ASIC2: variants seen among roughly 807,000 people sequenced by gnomAD.
ASIC2 encodes the protein acid-sensing ion channel 2.
A neutral mutation model predicts 57.3 loss-of-function variants in ASIC2; 25 were observed. The observed-to-expected ratio is 0.44, with a 90% CI of 0.32 to 0.61. The LOEUF (loss-of-function observed/expected upper bound fraction) is 0.61. Ranked by LOEUF, ASIC2 falls within the 20% of genes least tolerant of loss-of-function variation. The pLI is 0.06. For synonymous variants in ASIC2, 319 were observed against 307.5 expected (o/e 1.04, Z -0.39); for missense variants, 641 against 738.1 (o/e 0.87, Z 1.52).
chr17:33,641,126 C>T (rs943013842), intron 1 of ASIC2, among the ~76,000 whole-genome samples: 3 of 152,168 alleles, frequency 2.0e-5, no homozygotes, highest in Non-Finnish European at 2.9e-5. Flanking sequence ...CTCTGTTCCT[C>T]TCTCCATGGA....
intron 1 of ASIC2, among the ~76,000 whole-genome samples, chr17:33,923,532 ACAG>A (rs1186426759): frequency 6.6e-6 from 1 of 152,238 alleles, no homozygotes. Context: ...CTCAGAATGC[ACAG>A]CAGTTCTGCA....
At chr17:34,072,738 C>T (rs937049667) in intron 1 of ASIC2, among the ~76,000 whole-genome samples, 3 of 152,256 alleles carry the variant, frequency 2.0e-5, no homozygotes, top group South Asian at 4.2e-4. Flanking sequence ...ATGTGATGGA[C>T]GATTTCTCTC....
intron 1 of ASIC2, among the ~76,000 whole-genome samples, chr17:33,142,701 C>A (rs982821707): frequency 1.3e-5 from 2 of 152,306 alleles, no homozygotes; most frequent in East Asian, 1.9e-4. Context: ...ATGACCACAC[C>A]CTCTACTCAG....
chr17:33,656,759 AAT>A (rs1168118907), intron 1 of ASIC2, among the ~76,000 whole-genome samples: 3 of 152,148 alleles, frequency 2.0e-5, no homozygotes, highest in African/African-American at 7.2e-5. Context: ...CCTGAGTTAT[AAT>A]CATCTGTTTA....
intron 1 of ASIC2, among the ~76,000 whole-genome samples, chr17:33,521,934 G>A (rs1257431727): frequency 6.6e-6 from 1 of 152,212 alleles, no homozygotes; most frequent in African/African-American, 2.4e-5. Flanking sequence ...GGCGGGCAGG[G>A]AGGCCCTCTG....
At chr17:33,492,067 C>T (rs144651979) in intron 1 of ASIC2, among the ~76,000 whole-genome samples, 2 of 152,174 alleles carry the variant, frequency 1.3e-5, no homozygotes, top group Admixed American at 6.5e-5. Flanking sequence ...AACCACTTTG[C>T]GTTTGCCATT....
intron 1 of ASIC2, among the ~76,000 whole-genome samples, chr17:33,754,300 G>T (rs1910522870): frequency 6.6e-6 from 1 of 152,138 alleles, no homozygotes; most frequent in East Asian, 1.9e-4. Flanking sequence ...TTGGCAGGTG[G>T]CGTTCCTTCT....
intron 1 of ASIC2, among the ~76,000 whole-genome samples, chr17:33,401,495 G>A (rs1033837962): frequency 3.3e-5 from 5 of 152,108 alleles, no homozygotes; most frequent in Admixed American, 6.6e-5. Flanking sequence ...GCCCCTGATG[G>A]TCATGCCTCC....
intron 1 of ASIC2, among the ~76,000 whole-genome samples, chr17:33,609,151 C>T (rs541432000): frequency 7.2e-5 from 11 of 152,318 alleles, no homozygotes; most frequent in Admixed American, 5.2e-4. Context: ...ACCTGAACTA[C>T]TACAACAGAA....
chr17:33,950,087 C>G (rs941051713), intron 1 of ASIC2, among the ~76,000 whole-genome samples: 2 of 152,212 alleles, frequency 1.3e-5, no homozygotes, highest in Middle Eastern at 6.3e-3. Flanking sequence ...GCAGAGGGCT[C>G]TAAGAGGTTG....
intron 1 of ASIC2, among the ~76,000 whole-genome samples, chr17:33,520,742 A>C (rs527239589): frequency 1.1e-4 from 16 of 152,344 alleles, no homozygotes; most frequent in East Asian, 3.9e-4. Context: ...CTTCACAGCA[A>C]ATGTATCCCT....
At chr17:33,570,231 C>T (rs1170270031) in intron 1 of ASIC2, among the ~76,000 whole-genome samples, 1 of 152,194 alleles carries the variant, frequency 6.6e-6, no homozygotes, top group Non-Finnish European at 1.5e-5. Flanking sequence ...CTTTCTCCTC[C>T]AAGAATCCTG....
At position 33,023,423 on chromosome 17, in the gene ASIC2, G is replaced by C. The variant is rs371723360; in HGVS notation, c.1349+438C>G. Among the ~76,000 whole-genome samples the C allele has an allele frequency of 2.0e-5, 3 of 151,604 alleles. No individual in the cohort carries two copies. In the South Asian group the frequency reaches 6.3e-4, roughly 32 times the overall value. ...GAGAATGGTTTGAACCCAGGAGATG[G>C]ACCTTGCAGTGAGCCGAGATCATGC... is the stretch of plus-strand genomic sequence containing the variant. On this transcript the variant is annotated intron_variant, in intron 6 of 9. Transcript: ENST00000225823.
At chr17:33,673,112 A>G (rs1363356984) in intron 1 of ASIC2, among the ~76,000 whole-genome samples, 2 of 152,208 alleles carry the variant, frequency 1.3e-5, no homozygotes, top group African/African-American at 4.8e-5. Flanking sequence ...AGGCGGCAGC[A>G]TTACAAAGCC....
intron 1 of ASIC2, among the ~76,000 whole-genome samples, chr17:33,762,832 G>A (rs1910826559): frequency 6.6e-6 from 1 of 152,230 alleles, no homozygotes; most frequent in South Asian, 2.1e-4. Flanking sequence ...GGTTGCAGAT[G>A]GGCAGAGAAG....
chr17:33,762,302 T>C (rs932112425), intron 1 of ASIC2, among the ~76,000 whole-genome samples: 4 of 152,238 alleles, frequency 2.6e-5, no homozygotes, highest in African/African-American at 9.6e-5. Context: ...TTTATAATAT[T>C]CTCAGGGATT....
At chr17:33,885,682 G>A (rs1914811793) in intron 1 of ASIC2, among the ~76,000 whole-genome samples, 1 of 152,116 alleles carries the variant, frequency 6.6e-6, no homozygotes, top group Non-Finnish European at 1.5e-5. Context: ...TGTCCTATGT[G>A]CTATTTATGT....
chr17:34,031,072 G>A (rs1378432319), intron 1 of ASIC2, among the ~76,000 whole-genome samples: 1 of 152,176 alleles, frequency 6.6e-6, no homozygotes, highest in African/African-American at 2.4e-5. Context: ...TCCTCAAGTG[G>A]GTCCCTGACC....
At chr17:33,715,704 A>C (rs1909195578) in intron 1 of ASIC2, among the ~76,000 whole-genome samples, 1 of 152,198 alleles carries the variant, frequency 6.6e-6, no homozygotes, top group African/African-American at 2.4e-5. Context: ...GTGAGATGTC[A>C]CTATCCCCTT....
Sources: gnomAD v4.1 joint callset for allele counts (sites outside exome capture counted in the v4.1 genomes callset) on GRCh38, gnomAD v4.1.1 for gene constraint, MANE v1.5 for transcripts, NCBI Gene and HGNC (gene_info 2026-07-23, HGNC 2026-07-21) for gene names.